Variants in MEGF11 observed in about 807,000 individuals in gnomAD.
MEGF11 encodes multiple epidermal growth factor-like domains protein 11.
Under a neutral mutation model 146.6 loss-of-function variants are expected in MEGF11, and 126 were observed. That is an observed-to-expected ratio of 0.86 (90% CI 0.74 to 1.00). The LOEUF is 1.00. Ranked by LOEUF, MEGF11 falls within the 50% of genes least tolerant of loss-of-function variation. The pLI, the probability that MEGF11 is intolerant of heterozygous loss-of-function variation, is 0.00. For missense variants in MEGF11, 1,509 were observed against 1,521.2 expected (o/e 0.99, Z 0.13); for synonymous variants, 532 against 583.4 (o/e 0.91, Z 1.27).
Position 66,123,960 on chromosome 15 carries a change from C to A in MEGF11, c.139G>T (p.Asp47Tyr), listed in dbSNP as rs142845610. The change falls in exon 3 of 26, where the codon GAT (aspartate) becomes TAT (tyrosine). Residue 47 changes from aspartate (D) to tyrosine (Y), a missense_variant. By Grantham distance (160) the Asp-to-Tyr change is radical. Coordinates refer to ENST00000395614, the MANE Select transcript of MEGF11 (RefSeq NM_001385028.1). ...TVQESYAHPF[D>Y]QIYYTRCTDI... The stretch of plus-strand genomic sequence containing the variant: ...GTGCATCGTGTGTAATAGATCTGAT[C>A]GAAGGGGTGTGCATACGATTCCTGG... 1 of 1,613,844 alleles carries A rather than the reference C, an allele frequency of 6.2e-7. No homozygotes were observed. The highest frequency in any genetic ancestry group is 8.5e-7 in the Non-Finnish European group (1 of 1,179,888).
At position 65,915,450 on chromosome 15, in the gene MEGF11, C is replaced by T. The variant is rs1264063790; in HGVS notation, c.2473+20G>A. ...GGGGCCCTTTCCACAGACCCCGGGG[C>T]TCTGCCACGTGTGTATTACCTTGGT... On this transcript the variant is annotated intron_variant, in intron 19 of 25. Transcript: ENST00000395614. The T allele has an allele frequency of 1.2e-6, 2 of 1,612,170 alleles. No homozygotes were observed. Among genetic ancestry groups the T allele is most frequent in the Non-Finnish European group, 8.5e-7 (1 of 1,179,004 alleles).
At chr15:66,136,155 T>C (rs1447999604) in intron 1 of MEGF11, among the ~76,000 whole-genome samples, 1 of 152,156 alleles carries the variant, frequency 6.6e-6, no homozygotes, top group Non-Finnish European at 1.5e-5. Context: ...CTTTTACAAA[T>C]AGGAAGGGTG....
At chr15:66,070,869 CT>C (rs1443194822) in intron 5 of MEGF11, among the ~76,000 whole-genome samples, 1 of 152,108 alleles carries the variant, frequency 6.6e-6, no homozygotes, top group Non-Finnish European at 1.5e-5. Context: ...TTTCCCTAGA[CT>C]TTAGTGTAGT....
chr15:66,095,675 G>A (rs1361578553), intron 4 of MEGF11, among the ~76,000 whole-genome samples: 1 of 152,176 alleles, frequency 6.6e-6, no homozygotes, highest in East Asian at 1.9e-4. Flanking sequence ...CTTTGCCCAG[G>A]CCCCAGGCAA....
At chr15:66,175,509 T>A (rs750654133) in intron 1 of MEGF11, among the ~76,000 whole-genome samples, 2 of 152,126 alleles carry the variant, frequency 1.3e-5, no homozygotes, top group Admixed American at 6.5e-5. Context: ...AACCCAGAAA[T>A]AAATCCATGT....
At chr15:65,909,916 C>G (rs2078745579) in intron 21 of MEGF11, 110 bp from the exon 22 acceptor site, 6 of 971,378 alleles carry the variant, frequency 6.2e-6, no homozygotes, top group South Asian at 2.8e-5. Flanking sequence ...CCTGACCCAC[C>G]TGGGTCCTAG....
In MEGF11 at chr15:66,192,526, A is replaced by G. The variant is rs1294936613; in HGVS notation, c.-9+61079T>C. On this transcript the variant is annotated intron_variant, in intron 1 of 25. Coordinates refer to ENST00000395614, the MANE Select transcript of MEGF11 (RefSeq NM_001385028.1). ...AAAATAAAATAAAATAAAATAAAAT[A>G]AAATAAAATCATCATAATGAGCCTA... is the stretch of plus-strand genomic sequence containing the variant. 3.1e-5 allele frequency among the ~76,000 whole-genome samples: 4 copies of G among 129,938 alleles called. No homozygotes were observed. The South Asian group carries it at 7.2e-4, about 23-fold the overall frequency. 85.2% of individuals were successfully genotyped at this position (129,938 alleles called of 152,430 possible).
intron 1 of MEGF11, among the ~76,000 whole-genome samples, chr15:66,230,978 C>A (rs2091955954): frequency 6.6e-6 from 1 of 152,132 alleles, no homozygotes; most frequent in Admixed American, 6.5e-5. Context: ...CCTACAGCAG[C>A]CTTGCCCAAA....
chr15:66,023,080 G>A (rs1172783790), intron 5 of MEGF11, among the ~76,000 whole-genome samples: 1 of 149,676 alleles, frequency 6.7e-6, no homozygotes, highest in Non-Finnish European at 1.5e-5. Flanking sequence ...GGCAGAGATT[G>A]CAGTGAGCTG....
intron 5 of MEGF11, among the ~76,000 whole-genome samples, chr15:66,081,368 T>C (rs2085847707): frequency 6.6e-6 from 1 of 152,206 alleles, no homozygotes; most frequent in Non-Finnish European, 1.5e-5. Flanking sequence ...ATAGCCCTGT[T>C]TACCTTCCCA....
chr15:66,208,914 C>T (rs1597152682), intron 1 of MEGF11, among the ~76,000 whole-genome samples: 1 of 151,944 alleles, frequency 6.6e-6, no homozygotes, highest in Non-Finnish European at 1.5e-5. Flanking sequence ...AAAAACATGT[C>T]CCAGCTAGAG....
At chr15:66,167,676 A>G (rs2090137788) in intron 1 of MEGF11, among the ~76,000 whole-genome samples, 1 of 150,554 alleles carries the variant, frequency 6.6e-6, no homozygotes. Flanking sequence ...CAAACAAACA[A>G]ACAAACAAAA....
chr15:66,236,351 T>C (rs2092091045), intron 1 of MEGF11, among the ~76,000 whole-genome samples: 1 of 152,130 alleles, frequency 6.6e-6, no homozygotes, highest in East Asian at 1.9e-4. Context: ...GTTAAAGGGT[T>C]TCCGACAGGC....
chr15:65,951,190 C>T (rs1485408551), intron 10 of MEGF11, among the ~76,000 whole-genome samples: 1 of 152,118 alleles, frequency 6.6e-6, no homozygotes, highest in Non-Finnish European at 1.5e-5. Flanking sequence ...TCAGGGAAGG[C>T]TTCATGGAAG....
At chr15:66,041,070 G>A (rs1247840073) in intron 5 of MEGF11, among the ~76,000 whole-genome samples, 1 of 152,128 alleles carries the variant, frequency 6.6e-6, no homozygotes, top group Non-Finnish European at 1.5e-5. Flanking sequence ...ATGAACATAA[G>A]CAAGAATCCA....
chr15:66,155,605 G>T (rs749706008), intron 1 of MEGF11, among the ~76,000 whole-genome samples: 1 of 152,146 alleles, frequency 6.6e-6, no homozygotes, highest in Non-Finnish European at 1.5e-5. Context: ...ATCTCTCCAT[G>T]TGGAAGTCTA....
intron 5 of MEGF11, among the ~76,000 whole-genome samples, chr15:66,083,483 T>C (rs2085980624): frequency 6.6e-6 from 1 of 152,128 alleles, no homozygotes. Context: ...TCACTCAAAA[T>C]GGATCAAAGA....
At chr15:66,021,465 A>G (rs2083130392) in intron 5 of MEGF11, among the ~76,000 whole-genome samples, 1 of 152,262 alleles carries the variant, frequency 6.6e-6, no homozygotes. Flanking sequence ...ATACATATAT[A>G]AACAAAATAA....
intron 7 of MEGF11, among the ~76,000 whole-genome samples, chr15:65,972,812 T>C (rs1380051279): frequency 2.6e-5 from 4 of 152,176 alleles, no homozygotes; most frequent in African/African-American, 9.6e-5. Context: ...ATTGTAGGAT[T>C]TGTTTTCCAT....
Sources: gnomAD v4.1 joint callset for allele counts (sites outside exome capture counted in the v4.1 genomes callset) on GRCh38, gnomAD v4.1.1 for gene constraint, MANE v1.5 for transcripts, NCBI Gene and HGNC (gene_info 2026-07-23, HGNC 2026-07-21) for gene names.